ABCA2: variants seen among roughly 807,000 people sequenced by gnomAD.
ABCA2 encodes the protein ATP binding cassette subfamily A member 2, also known as ATP-binding cassette sub-family A member 2.
ABCA2 carries 84 observed loss-of-function variants against 262.8 expected under a neutral mutation model. The ratio of observed to expected loss-of-function variants is 0.32; its 90% CI spans 0.27 to 0.38. The LOEUF (loss-of-function observed/expected upper bound fraction) is 0.38. ABCA2 is among the 10% of genes least tolerant of loss of function. ABCA2 has a pLI of 1.00. For synonymous variants in ABCA2, 1,696 were observed against 1,502.9 expected, an observed-to-expected ratio of 1.13 and a Z score of -2.97; for missense variants, 2,662 against 3,405.9, an observed-to-expected ratio of 0.78 and a Z score of 5.44.
chr9:137,026,991 T>C (rs1213814508), intron 1 of ABCA2, among the ~76,000 whole-genome samples: 1 of 152,250 alleles, frequency 6.6e-6, no homozygotes, highest in Non-Finnish European at 1.5e-5. Flanking sequence ...ATGGTGATGA[T>C]GGCCACCCCA....
At chr9:137,023,359 C>A (rs1009470009) in intron 3 of ABCA2, 3 of 693,694 alleles carry the variant, frequency 4.3e-6, no homozygotes, top group East Asian at 2.8e-5. Context: ...ACTCTCCCCC[C>A]GAAAACGTTT....
In ABCA2 at chr9:137,019,542, C is replaced by T. The variant is rs1402215355; in HGVS notation, c.1426-236G>A. ...GGCTCAAGGGATCCTCCCGCCTCAG[C>T]CCTCCAAGTAGCTGGGATTACAGGT... On this transcript the variant is annotated intron_variant, in intron 10 of 48. Transcript: ENST00000341511. The surrounding 1 kb of genome is among the most constrained non-coding windows in gnomAD (Gnocchi z 4.4). 6.1e-6 allele frequency: 3 copies of T among 492,084 alleles called. No homozygotes were observed. Among genetic ancestry groups the T allele is most frequent in the Admixed American group, 7.8e-5 (2 of 25,774 alleles). The allele number at this position is 492,084 out of a possible 1,614,324, so 30.5% of individuals were successfully genotyped here.
chr9:137,018,690 G>T, intron 13 of ABCA2, 29 bp downstream of exon 13: 1 of 1,556,542 alleles, frequency 6.4e-7, no homozygotes, highest in Non-Finnish European at 8.7e-7. Context: ...TCTGTGGGGG[G>T]CTGGGGCGGG....
At chr9:137,018,669 G>T in intron 13 of ABCA2, 50 bp downstream of exon 13, 1 of 1,407,114 alleles carries the variant, frequency 7.1e-7, no homozygotes, top group Non-Finnish European at 9.5e-7. Flanking sequence ...GCTGGGCTGG[G>T]GAGGAAGAGG....
In ABCA2 at chr9:137,014,856, A is replaced by G. The variant is rs551159111; in HGVS notation, c.3883-46T>C. ...GAGGCTGCGGCAGGGACGCCCAGGC[A>G]GGAGTGCGCCCACCTCCACCACCTG... On this transcript the variant is annotated intron_variant, in intron 25 of 48. Coordinates refer to ENST00000341511, the MANE Select transcript of ABCA2 (RefSeq NM_001606.5). 3.1e-5 allele frequency: 49 copies of G among 1,580,434 alleles called. No homozygotes were observed. In the East Asian group the frequency reaches 1.1e-3, roughly 35 times the overall value.
In ABCA2 at chr9:137,018,052, C is replaced by T. The variant is rs117771129; in HGVS notation, c.2017G>A (p.Asp673Asn). The T allele has an allele frequency of 5.8e-4, 942 of 1,612,610 alleles. 13 individuals carry two copies. The East Asian group carries it at 0.019, about 33-fold the overall frequency. The change falls in exon 15 of 49, where the codon GAC becomes AAC. Residue 673 changes from aspartate to asparagine, a missense_variant. Transcript: ENST00000341511. ...IQDMMERAII[D>N]TFVGHDVVEP... is the part of the protein sequence containing the mutation. Reference sequence around the variant, plus strand: ...ACCACATCGTGCCCCACAAAAGTGTCGATGATGGCGCGCTCCATCATGTCT... The same window carrying T: ...ACCACATCGTGCCCCACAAAAGTGTTGATGATGGCGCGCTCCATCATGTCT...
chr9:137,008,416 CCG>C lies in ABCA2; in HGVS notation c.7273_7274del (p.Arg2425GlyfsTer25). 1 of 1,549,984 alleles carries C rather than the reference CCG, an allele frequency of 6.5e-7. No individual in the cohort carries two copies. The highest frequency in any genetic ancestry group is 8.7e-7 in the Non-Finnish European group (1 of 1,147,136). On this transcript the variant is annotated frameshift_variant and splice_region_variant, in exon 48 of 49. Transcript: ENST00000341511. LOFTEE classifies it high-confidence loss of function. ...ACAGCCATGAGAGCAGCCTGCTCAC[CCG>C]CTCCTCCTCGAAGCTGATGAGGCCC... ...DEGLISFEEERAQLSFNTDTL... is the reference protein window; with the variant it reads ...DEGLISFEEEXAQLSFNTDTL...
rs1313962472 is a variant in ABCA2, at chr9:137,012,166, C to A, written c.5300-4G>T. ...GGGTGGTTGGTGACGGTGATGCCTG[C>A]ACACGGCGGGGCGGGGGCGGCAGCT... On this transcript the variant is annotated splice_region_variant and splice_polypyrimidine_tract_variant and intron_variant, in intron 33 of 48. Coordinates refer to ENST00000341511, the MANE Select transcript of ABCA2 (RefSeq NM_001606.5). 6.2e-7 allele frequency: 1 copy of A among 1,611,992 alleles called. No homozygotes were observed. Among genetic ancestry groups the A allele is most frequent in the Non-Finnish European group, 8.5e-7 (1 of 1,179,766 alleles).
At position 137,021,818 on chromosome 9, in the gene ABCA2, C is replaced by T; in HGVS notation, c.678+73G>A. ...TCCAAGTCACCAAAGGGGCCCTTTC[C>T]TCACCCACGGAGCAGAAGCACCCCC... On this transcript the variant is annotated intron_variant, in intron 7 of 48. Transcript: ENST00000341511. The surrounding 1 kb of genome is among the most constrained non-coding windows in gnomAD (Gnocchi z 6.0). 7.0e-7 allele frequency: 1 copy of T among 1,422,980 alleles called. No homozygotes were observed. Among genetic ancestry groups the T allele is most frequent in the Non-Finnish European group, 9.7e-7 (1 of 1,031,716 alleles). 88.1% of individuals were successfully genotyped at this position (1,422,980 alleles called of 1,614,324 possible).
intron 40 of ABCA2, 28 bp downstream of exon 40, chr9:137,010,583 CCCCACCCAG>C: frequency 1.2e-6 from 1 of 865,128 alleles, no homozygotes; most frequent in Non-Finnish European, 1.9e-6. Context: ...CCCTGGCCTA[CCCCACCCAG>C]GCCCCACCCT....
intron 3 of ABCA2, 188 bp from the exon 4 acceptor site, chr9:137,023,240 G>T (rs780394757): frequency 8.7e-5 from 55 of 629,812 alleles, no homozygotes; most frequent in Non-Finnish European, 1.5e-4. Flanking sequence ...GCGTTCTGGG[G>T]CGAATGACTC....
intron 45 of ABCA2, 64 bp from the exon 46 acceptor site, chr9:137,009,117 C>G: frequency 6.6e-7 from 1 of 1,515,642 alleles, no homozygotes; most frequent in Non-Finnish European, 9.0e-7. Flanking sequence ...GCCCCCCAGC[C>G]TCCCAGCCCT....
In ABCA2 at chr9:137,022,428, G is replaced by A; in HGVS notation, c.490C>T (p.Arg164Cys). ...SVARNPQELW[R>C]FLTQNLSLPN... The stretch of plus-strand genomic sequence containing the variant: ...AGCGACAAGTTTTGCGTCAGGAAAC[G>A]CCAGAGCTCCTGCGGGTTTCTGGCC... Residue 164 changes from arginine (R) to cysteine (C), a missense_variant, in exon 6 of 49, where the codon CGT (arginine) becomes TGT (cysteine). Arg to Cys is a radical substitution (Grantham distance 180, BLOSUM62 -3). Around this residue, in one of 12 missense-constraint regions of ABCA2, gnomAD observed 403 missense variants for 375.9 expected, o/e 1.07. Coordinates refer to ENST00000341511, the MANE Select transcript of ABCA2 (RefSeq NM_001606.5). The A allele has an allele frequency of 1.9e-6, 3 of 1,611,890 alleles. No individual in the cohort carries two copies. The highest frequency in any genetic ancestry group is 2.5e-6 in the Non-Finnish European group (3 of 1,179,706).
intron 1 of ABCA2, among the ~76,000 whole-genome samples, chr9:137,025,925 C>T (rs970625437): frequency 6.6e-6 from 1 of 152,218 alleles, no homozygotes; most frequent in Non-Finnish European, 1.5e-5. Flanking sequence ...GTGCCCCACA[C>T]AGGTGCCTCC....
At chr9:137,012,211 C>CCCCCCCG in intron 33 of ABCA2, 49 bp from the exon 34 acceptor site, 1 of 1,604,266 alleles carries the variant, frequency 6.2e-7, no homozygotes, top group Non-Finnish European at 8.5e-7. Context: ...AGCTCCTCCC[C>CCCCCCCG]GCCCCGGCCC....
At chr9:137,020,191 C>T (rs1435316038) in intron 10 of ABCA2, 145 bp downstream of exon 10, 5 of 1,084,048 alleles carry the variant, frequency 4.6e-6, no homozygotes, top group Non-Finnish European at 6.6e-6. Context: ...GGTCCCCCAC[C>T]TGCAGAGCCT....
chr9:137,018,999 T>C lies in ABCA2; in HGVS notation c.1626A>G (p.Arg542=), dbSNP rs748898832. Residue 542 remains arginine (R), a synonymous_variant, in exon 12 of 49, where the codon AGA becomes AGG. Transcript: ENST00000341511. Reference sequence around the variant, plus strand: ...CACTGGGCAGCGAGAAGTTGTCCTGTCTCAGGGCCGGCGGCAGCTCATCCA... The same window carrying C: ...CACTGGGCAGCGAGAAGTTGTCCTGCCTCAGGGCCGGCGGCAGCTCATCCA... ...LSLDELPPAL[R]QDNFSLPSGM... 2.5e-6 allele frequency: 4 copies of C among 1,612,942 alleles called. No individual in the cohort carries two copies. The highest frequency in any genetic ancestry group is 1.1e-5 in the South Asian group (1 of 91,084).
Position 137,010,605 on chromosome 9 carries a change from A to C in ABCA2, c.6174+15T>G. ...CTACCCCACCCAGGCCCCACCCTAC[A>C]TGCCCAGAGCCCACCTTGGTCAGGT... On this transcript the variant is annotated intron_variant, in intron 40 of 48. Transcript: ENST00000341511. 4 of 1,446,858 alleles carry C rather than the reference A, an allele frequency of 2.8e-6. No individual in the cohort carries two copies. Among genetic ancestry groups the C allele is most frequent in the Non-Finnish European group, 3.8e-6 (4 of 1,058,998 alleles). The allele number at this position is 1,446,858 out of a possible 1,614,324, so 89.6% of individuals were successfully genotyped here.
Position 137,015,944 on chromosome 9 carries a change from C to CGGGGGGGGG in ABCA2, c.3317+17_3317+18insCCCCCCCCC. On this transcript the variant is annotated intron_variant, in intron 22 of 48. Coordinates refer to ENST00000341511, the MANE Select transcript of ABCA2 (RefSeq NM_001606.5). ...GGGCCTCCGCCCACCTGCCCCGCCC[C>CGGGGGGGGG]CCGCCCAGCCCACCCACTTGTCCAT... The CGGGGGGGGG allele has an allele frequency of 2.1e-6, 1 of 467,484 alleles. No individual in the cohort carries two copies. Among genetic ancestry groups the CGGGGGGGGG allele is most frequent in the Non-Finnish European group, 4.1e-6 (1 of 244,788 alleles). The allele number at this position is 467,484 out of a possible 1,614,324, so 29.0% of individuals were successfully genotyped here. A position where few individuals can be genotyped will look rare whatever the true frequency, so the allele number is the denominator to read the frequency against.
Sources: gnomAD v4.1 joint callset for allele counts (sites outside exome capture counted in the v4.1 genomes callset) on GRCh38, gnomAD v4.1.1 for gene constraint, gnomAD v4.1.1 regional missense constraint, Gnocchi (gnomAD v3.1) non-coding constraint, MANE v1.5 for transcripts, NCBI Gene and HGNC (gene_info 2026-07-23, HGNC 2026-07-21) for gene names.